MAF: variants seen among roughly 807,000 people sequenced by gnomAD.
The protein encoded by MAF is transcription factor Maf.
In MAF, 10 loss-of-function variants were observed where a neutral mutation model predicts 22.0. The observed-to-expected ratio is 0.45, with a 90% CI of 0.28 to 0.77. MAF has a LOEUF of 0.77. Among genes scored for constraint, MAF ranks in the 30% least tolerant of loss-of-function variants. The pLI is 0.12. For missense variants in MAF, 544 were observed against 548.4 expected (o/e 0.99, Z 0.08); for synonymous variants, 337 against 255.8 (o/e 1.32, Z -3.03).
the MAF span, among the ~76,000 whole-genome samples, chr16:79,214,216 TTC>T: frequency 3.5e-4 from 54 of 152,322 alleles, no homozygotes; most frequent in African/African-American, 1.2e-3. Flanking sequence ...TGTCTATTTT[TTC>T]TGTCTACCCA....
chr16:79,579,612 G>A, the MAF span, among the ~76,000 whole-genome samples: 2 of 152,134 alleles, frequency 1.3e-5, no homozygotes, highest in East Asian at 3.8e-4. Flanking sequence ...AGGAACCCTT[G>A]AGTCACAGTG....
chr16:79,360,381 A>G, the MAF span, among the ~76,000 whole-genome samples: 6 of 152,274 alleles, frequency 3.9e-5, 1 homozygote, highest in African/African-American at 1.4e-4. Flanking sequence ...GGCAATACAC[A>G]AAAGCATGGC....
the MAF span, among the ~76,000 whole-genome samples, chr16:79,417,784 A>G: frequency 2.1e-4 from 32 of 152,282 alleles, no homozygotes; most frequent in African/African-American, 7.7e-4. Context: ...TTTGGATAAA[A>G]TATCTCAGGA....
the MAF span, among the ~76,000 whole-genome samples, chr16:79,448,802 A>G: frequency 1.3e-5 from 2 of 152,108 alleles, no homozygotes; most frequent in Admixed American, 6.5e-5. Flanking sequence ...ATACTACAGT[A>G]TAGTATAAAC....
the MAF span, among the ~76,000 whole-genome samples, chr16:79,389,386 G>A: frequency 6.6e-6 from 1 of 152,050 alleles, no homozygotes; most frequent in Non-Finnish European, 1.5e-5. Flanking sequence ...AGCCTCCCAA[G>A]TAGCTGGGAT....
chr16:79,521,341 G>A, the MAF span, among the ~76,000 whole-genome samples: 1 of 152,180 alleles, frequency 6.6e-6, no homozygotes, highest in Non-Finnish European at 1.5e-5. Flanking sequence ...TTTAATGGAT[G>A]TTCCTTCAGA....
the MAF span, among the ~76,000 whole-genome samples, chr16:79,522,758 G>C: frequency 6.6e-6 from 1 of 152,152 alleles, no homozygotes; most frequent in Non-Finnish European, 1.5e-5. Context: ...TTGCTTGCTG[G>C]GGCTTTGGGC....
At chr16:79,321,149 C>T in the MAF span, among the ~76,000 whole-genome samples, 1 of 152,226 alleles carries the variant, frequency 6.6e-6, no homozygotes, top group Non-Finnish European at 1.5e-5. Flanking sequence ...GCAGCATCTA[C>T]ATACAGTGAT....
chr16:79,509,587 G>C, the MAF span, among the ~76,000 whole-genome samples: 1 of 152,250 alleles, frequency 6.6e-6, no homozygotes, highest in African/African-American at 2.4e-5. Context: ...TGGCTGGAGA[G>C]GGCCGGGTCT....
At chr16:79,597,990 G>A (rs965622239) in intron 1 of MAF, 19 of 1,042,374 alleles carry the variant, frequency 1.8e-5, no homozygotes, top group Non-Finnish European at 2.2e-5. Flanking sequence ...GAAGGTTGAT[G>A]CAGGCTTGAT....
At chr16:79,466,868 T>G in the MAF span, among the ~76,000 whole-genome samples, 18 of 152,302 alleles carry the variant, frequency 1.2e-4, no homozygotes, top group Non-Finnish European at 2.5e-4. Context: ...AGCTGCAGTG[T>G]TCCATATGGA....
chr16:79,400,585 G>T, the MAF span, among the ~76,000 whole-genome samples: 1 of 152,226 alleles, frequency 6.6e-6, no homozygotes, highest in East Asian at 1.9e-4. Flanking sequence ...ATGGGTAGAA[G>T]AATACCCCCT....
At chr16:79,430,116 C>A in the MAF span, among the ~76,000 whole-genome samples, 1 of 152,226 alleles carries the variant, frequency 6.6e-6, no homozygotes, top group East Asian at 1.9e-4. Flanking sequence ...AACCCAGCCT[C>A]CCGCTTCAGC....
intron 1 of MAF, chr16:79,596,984 G>A (rs1913570532): frequency 1.9e-6 from 2 of 1,051,908 alleles, no homozygotes; most frequent in Non-Finnish European, 2.3e-6. Context: ...ATTTTTGAAT[G>A]TAAAATACCC....
At chr16:79,566,814 G>A in the MAF span, among the ~76,000 whole-genome samples, 1 of 152,176 alleles carries the variant, frequency 6.6e-6, no homozygotes, top group Non-Finnish European at 1.5e-5. Flanking sequence ...GGAGGGAAAA[G>A]GCCTTTGGAA....
the MAF span, among the ~76,000 whole-genome samples, chr16:79,314,870 G>C: frequency 6.6e-6 from 1 of 152,158 alleles, no homozygotes; most frequent in Non-Finnish European, 1.5e-5. Context: ...GGGAAACTCA[G>C]AGCAAGTCCC....
the MAF span, among the ~76,000 whole-genome samples, chr16:79,493,324 G>A: frequency 6.6e-5 from 10 of 152,148 alleles, no homozygotes; most frequent in African/African-American, 4.8e-5. Flanking sequence ...CGGGATTACA[G>A]GTGCCTGCCA....
the MAF span, among the ~76,000 whole-genome samples, chr16:79,245,491 T>C: frequency 2.0e-5 from 3 of 151,942 alleles, no homozygotes; most frequent in African/African-American, 7.2e-5. Context: ...GAAATGCAAA[T>C]TGAAACCACA....
At chr16:79,371,194 T>C in the MAF span, among the ~76,000 whole-genome samples, 1 of 152,116 alleles carries the variant, frequency 6.6e-6, no homozygotes, top group African/African-American at 2.4e-5. Flanking sequence ...AATTGTTGAC[T>C]GTTGCCTCTT....
Sources: allele counts gnomAD v4.1 joint callset (sites outside exome capture counted in the v4.1 genomes callset), GRCh38; gene constraint gnomAD v4.1.1; transcripts MANE v1.5; gene names NCBI Gene and HGNC (gene_info 2026-07-23, HGNC 2026-07-21).